XXYLT1: variants seen among roughly 807,000 people sequenced by gnomAD.
XXYLT1 encodes UDP-xylose:alpha-xyloside alpha-1,3-xylosyltransferase.
Under a neutral mutation model 28.9 loss-of-function variants are expected in XXYLT1, and 20 were observed. The observed-to-expected ratio is 0.69, with a 90% CI of 0.49 to 1.00. The LOEUF is 1.00. XXYLT1 is among the 50% of genes least tolerant of loss of function. XXYLT1 has a pLI of 0.00. For synonymous variants in XXYLT1, 257 were observed against 253.8 expected (o/e 1.01, Z -0.12); for missense variants, 542 against 560.1 (o/e 0.97, Z 0.33).
rs1037804535 is a variant in XXYLT1, at chr3:195,115,154, C to T, written c.785+41295G>A. On this transcript the variant is annotated intron_variant, in intron 3 of 3. Transcript: ENST00000310380. The surrounding 1 kb of genome is among the most constrained non-coding windows in gnomAD (Gnocchi z 4.2). ...AGCTCGGGACGTGAATCAGGTGCTG[C>T]GACTCGGGAACTAGTGTGCTCACAT... Among the ~76,000 whole-genome samples, 1 of 152,188 alleles carries T rather than the reference C, an allele frequency of 6.6e-6. No individual in the cohort carries two copies. Among genetic ancestry groups the T allele is most frequent in the Non-Finnish European group, 1.5e-5 (1 of 68,040 alleles).
chr3:195,194,613 C>T (rs543310137), intron 2 of XXYLT1, among the ~76,000 whole-genome samples: 76 of 152,278 alleles, frequency 5.0e-4, no homozygotes, highest in African/African-American at 1.7e-3. Flanking sequence ...ATAATGCTCA[C>T]GACAGCATTA....
intron 2 of XXYLT1, among the ~76,000 whole-genome samples, chr3:195,169,805 T>C (rs988321457): frequency 2.0e-5 from 3 of 151,610 alleles, no homozygotes; most frequent in South Asian, 2.1e-4. Flanking sequence ...ATATGTTCTA[T>C]GTAGGAGTAT....
At chr3:195,163,202 C>A (rs148439165) in intron 2 of XXYLT1, among the ~76,000 whole-genome samples, 101 of 152,228 alleles carry the variant, frequency 6.6e-4, no homozygotes, top group African/African-American at 2.4e-3. Context: ...GATACAGATA[C>A]CACTGGTTGC....
At chr3:195,230,496 T>A (rs1323674727) in intron 1 of XXYLT1, among the ~76,000 whole-genome samples, 1 of 152,232 alleles carries the variant, frequency 6.6e-6, no homozygotes, top group Non-Finnish European at 1.5e-5. Flanking sequence ...CAATGTTTTC[T>A]TTTGGTAGTG....
chr3:195,229,981 T>C (rs1163357543), intron 1 of XXYLT1, among the ~76,000 whole-genome samples: 3 of 152,192 alleles, frequency 2.0e-5, no homozygotes, highest in Non-Finnish European at 4.4e-5. Flanking sequence ...TCCATAGTGA[T>C]TGTACTAATT....
At chr3:195,201,944 C>T (rs1211266491) in intron 2 of XXYLT1, among the ~76,000 whole-genome samples, 3 of 152,096 alleles carry the variant, frequency 2.0e-5, no homozygotes, top group East Asian at 1.9e-4. Flanking sequence ...TTTGGGAGGC[C>T]AAGGTGGGCG....
intron 3 of XXYLT1, among the ~76,000 whole-genome samples, chr3:195,087,830 G>C (rs982159895): frequency 6.6e-6 from 1 of 152,046 alleles, no homozygotes; most frequent in Non-Finnish European, 1.5e-5. Context: ...TGCGCGCACC[G>C]TGCGCGAGCC....
intron 3 of XXYLT1, among the ~76,000 whole-genome samples, chr3:195,103,789 G>GT (rs756513153): frequency 3.9e-5 from 6 of 152,314 alleles, no homozygotes; most frequent in Non-Finnish European, 7.3e-5. Context: ...CCAATTCCAA[G>GT]TGTGTCCTTT....
rs1023121597 is a variant in XXYLT1 at position 195,115,009 on chromosome 3, G to A, written c.785+41440C>T. On this transcript the variant is annotated intron_variant, in intron 3 of 3. Transcript: ENST00000310380. This position sits in a 1 kb window ranked among gnomAD's most constrained non-coding sequence, Gnocchi z 4.2. The stretch of plus-strand genomic sequence containing the variant: ...GCCGCAGGCCCCACCCGTTCCACTC[G>A]TCAAAATCGTACCTAGCTGAGGTTG... Among the ~76,000 whole-genome samples, 5 of 152,204 alleles carry A rather than the reference G, an allele frequency of 3.3e-5. No individual in the cohort carries two copies. The highest frequency in any genetic ancestry group is 4.8e-5 in the African/African-American group (2 of 41,444).
At chr3:195,083,647 T>C (rs1002924319) in intron 3 of XXYLT1, among the ~76,000 whole-genome samples, 2 of 152,230 alleles carry the variant, frequency 1.3e-5, no homozygotes, top group Non-Finnish European at 2.9e-5. Flanking sequence ...ATTACCCAGC[T>C]ATATGTACAT....
At chr3:195,151,627 T>C (rs1048782581) in intron 3 of XXYLT1, among the ~76,000 whole-genome samples, 2 of 151,996 alleles carry the variant, frequency 1.3e-5, no homozygotes, top group African/African-American at 4.8e-5. Context: ...CAATAAACAA[T>C]TATTTAGTAT....
intron 3 of XXYLT1, among the ~76,000 whole-genome samples, chr3:195,104,515 C>T (rs1452551341): frequency 6.6e-6 from 1 of 152,128 alleles, no homozygotes; most frequent in African/African-American, 2.4e-5. Context: ...CAGCTGCTCA[C>T]ACGACCATGT....
intron 3 of XXYLT1, among the ~76,000 whole-genome samples, chr3:195,134,832 T>G (rs901718455): frequency 5.9e-5 from 5 of 84,672 alleles, no homozygotes; most frequent in Admixed American, 4.1e-4. Flanking sequence ...GAGGGGTGTG[T>G]GTGTGTGTGT....
At chr3:195,251,171 C>A (rs934613357) in intron 1 of XXYLT1, among the ~76,000 whole-genome samples, 2 of 152,268 alleles carry the variant, frequency 1.3e-5, no homozygotes, top group Admixed American at 1.3e-4. Flanking sequence ...GCCCCGCGGG[C>A]AGGTCCCCCA....
Position 195,143,849 on chromosome 3 carries a change from TATATAGATATATATAGATATAG to T in XXYLT1, c.785+12578_785+12599del, listed in dbSNP as rs1560117200. On this transcript the variant is annotated intron_variant, in intron 3 of 3. Transcript: ENST00000310380. ...ATATATAGATATAGATATAGATATA[TATATAGATATATATAGATATAG>T]ATATATATATATATATATTTATTTT... is the stretch of plus-strand genomic sequence containing the variant. Among the ~76,000 whole-genome samples the T allele has an allele frequency of 4.7e-3, 344 of 72,512 alleles. 22 individuals carry two copies. Among genetic ancestry groups the T allele is most frequent in the African/African-American group, 0.013 (315 of 23,530 alleles). The allele number at this position is 72,512 out of a possible 152,430, so 47.6% of individuals were successfully genotyped here.
intron 3 of XXYLT1, among the ~76,000 whole-genome samples, chr3:195,136,136 A>G (rs570867948): frequency 2.0e-4 from 30 of 152,278 alleles, no homozygotes; most frequent in African/African-American, 6.7e-4. Flanking sequence ...AGGAAAAGCG[A>G]TAACATCATT....
chr3:195,241,186 C>G (rs1177490321), intron 1 of XXYLT1, among the ~76,000 whole-genome samples: 3 of 152,188 alleles, frequency 2.0e-5, no homozygotes, highest in Non-Finnish European at 4.4e-5. Context: ...TTCACACCTT[C>G]TTGAAGCAAG....
chr3:195,160,511 C>T (rs1720817679), intron 2 of XXYLT1, among the ~76,000 whole-genome samples: 1 of 152,220 alleles, frequency 6.6e-6, no homozygotes, highest in Non-Finnish European at 1.5e-5. Flanking sequence ...GAAGCAGCTG[C>T]CTGGAAAAGG....
At chr3:195,248,644 G>A (rs1400933764) in intron 1 of XXYLT1, among the ~76,000 whole-genome samples, 6 of 152,198 alleles carry the variant, frequency 3.9e-5, no homozygotes, top group African/African-American at 7.2e-5. Flanking sequence ...TTGGCCAGGC[G>A]CAGTGGCTCA....
Sources: allele counts gnomAD v4.1 joint callset (sites outside exome capture counted in the v4.1 genomes callset), GRCh38; gene constraint gnomAD v4.1.1; non-coding constraint Gnocchi (gnomAD v3.1); transcripts MANE v1.5; gene names NCBI Gene and HGNC (gene_info 2026-07-23, HGNC 2026-07-21).